Variants in ADGRV1 observed in about 807,000 individuals in gnomAD.
The protein encoded by ADGRV1 is G-protein coupled receptor 98.
In ADGRV1, 359 loss-of-function variants were observed where a neutral mutation model predicts 596.2. The ratio of observed to expected loss-of-function variants is 0.60; its 90% CI spans 0.55 to 0.66. ADGRV1 has a LOEUF of 0.66. Among genes scored for constraint, ADGRV1 ranks in the 30% least tolerant of loss-of-function variants. The probability of loss-of-function intolerance (pLI) is 0.00; values close to 1 mark genes in which losing one functional copy is unlikely to be tolerated. For synonymous variants in ADGRV1, 2,681 were observed against 2,679.2 expected, an observed-to-expected ratio of 1.00 and a Z score of -0.02; for missense variants, 7,274 against 7,575.6, an observed-to-expected ratio of 0.96 and a Z score of 1.48.
rs762211616 is a variant in ADGRV1 at position 90,711,026 on chromosome 5, G to A, written c.8870G>A (p.Gly2957Glu). 4 of 1,610,652 alleles carry A rather than the reference G, an allele frequency of 2.5e-6. No individual in the cohort carries two copies. The highest frequency in any genetic ancestry group is 8.5e-7 in the Non-Finnish European group (1 of 1,178,186). The change falls in exon 40 of 90, where the codon GGG (glycine) becomes GAG (glutamate). Residue 2957 changes from glycine to glutamate, a missense_variant. Coordinates refer to ENST00000405460, the MANE Select transcript of ADGRV1 (RefSeq NM_032119.4). The stretch of plus-strand genomic sequence containing the variant: ...CAAGTTATTATTGATGCCAATGATG[G>A]GGCCCGAGGTGTAATTGAATGGCAA... ...TAQVIIDAND[G>E]ARGVIEWQQS...
At chr5:90,656,277 A>G (rs1304481427) in intron 20 of ADGRV1, among the ~76,000 whole-genome samples, 1 of 152,238 alleles carries the variant, frequency 6.6e-6, no homozygotes, top group Non-Finnish European at 1.5e-5. Flanking sequence ...TAATAATTCA[A>G]TATATTAAAT....
At chr5:90,944,304 C>T (rs1198256572) in intron 83 of ADGRV1, among the ~76,000 whole-genome samples, 1 of 152,056 alleles carries the variant, frequency 6.6e-6, no homozygotes. Context: ...CCCAGTGACC[C>T]CAAGTTGCTC....
At chr5:90,579,087 T>C (rs986767891) in intron 1 of ADGRV1, among the ~76,000 whole-genome samples, 2 of 152,190 alleles carry the variant, frequency 1.3e-5, no homozygotes, top group African/African-American at 4.8e-5. Flanking sequence ...TTGAAGGGTG[T>C]TTTGTGTCTC....
At chr5:91,070,169 G>T (rs1039989623) in intron 85 of ADGRV1, among the ~76,000 whole-genome samples, 1 of 152,080 alleles carries the variant, frequency 6.6e-6, no homozygotes, top group African/African-American at 2.4e-5. Context: ...TCACTATCTG[G>T]GTGATGGGGT....
At chr5:90,910,595 CT>C (rs1295293946) in intron 83 of ADGRV1, among the ~76,000 whole-genome samples, 1 of 123,298 alleles carries the variant, frequency 8.1e-6, no homozygotes, top group Non-Finnish European at 1.8e-5. Context: ...ATCTATCTAT[CT>C]ATCTATACAC....
chr5:90,654,056 T>A, intron 20 of ADGRV1, 104 bp downstream of exon 20: 1 of 1,131,874 alleles, frequency 8.8e-7, no homozygotes, highest in South Asian at 1.4e-5. Context: ...TTGAAAACTC[T>A]ACTTATGCAT....
At chr5:90,585,961 G>C (rs10514329) in intron 1 of ADGRV1, among the ~76,000 whole-genome samples, 13,588 of 152,200 alleles carry the variant, frequency 0.089, 1,910 homozygotes, top group African/African-American at 0.3. Flanking sequence ...AGGAAGAAAA[G>C]TATCGACAGG....
In ADGRV1 at chr5:91,163,976, C is replaced by T. The variant is rs116775454; in HGVS notation, c.*76C>T. On this transcript the variant is annotated 3_prime_UTR_variant, in exon 90 of 90. Coordinates refer to ENST00000405460, the MANE Select transcript of ADGRV1 (RefSeq NM_032119.4). ...TGTGCTAAAACTCTCTAAGTACATC[C>T]ACCTGTGTAATAGGAACCTGTGAAT... is the stretch of plus-strand genomic sequence containing the variant. 940 of 741,628 alleles carry T rather than the reference C, an allele frequency of 1.3e-3. 6 individuals carry two copies. In the African/African-American group the frequency reaches 0.014, roughly 11 times the overall value. The allele number at this position is 741,628 out of a possible 1,614,324, so 45.9% of individuals were successfully genotyped here.
At chr5:91,100,152 T>C (rs1167018133) in intron 86 of ADGRV1, among the ~76,000 whole-genome samples, 2 of 152,214 alleles carry the variant, frequency 1.3e-5, no homozygotes, top group East Asian at 3.8e-4. Flanking sequence ...CCGGGTACCA[T>C]GGCTTATACC....
At chr5:91,109,937 T>C (rs1159136711) in intron 87 of ADGRV1, among the ~76,000 whole-genome samples, 2 of 152,214 alleles carry the variant, frequency 1.3e-5, no homozygotes, top group South Asian at 2.1e-4. Context: ...TTCATTGATA[T>C]AAGTTTGAAC....
intron 83 of ADGRV1, among the ~76,000 whole-genome samples, chr5:90,906,817 A>C (rs947592395): frequency 3.3e-5 from 5 of 152,208 alleles, no homozygotes; most frequent in Admixed American, 3.3e-4. Context: ...GTGCATCATT[A>C]GGTTGTTTAT....
intron 83 of ADGRV1, among the ~76,000 whole-genome samples, chr5:90,934,105 T>C (rs1246507364): frequency 6.6e-6 from 1 of 152,208 alleles, no homozygotes; most frequent in Admixed American, 6.5e-5. Flanking sequence ...TCTGTTCTTC[T>C]TGCTGGAAGT....
intron 83 of ADGRV1, among the ~76,000 whole-genome samples, chr5:90,958,911 C>T (rs2150940619): frequency 6.6e-6 from 1 of 152,264 alleles, no homozygotes; most frequent in Non-Finnish European, 1.5e-5. Flanking sequence ...TGCTTTCCCC[C>T]TAAAATTAGA....
At chr5:91,032,184 A>G (rs923362135) in intron 85 of ADGRV1, among the ~76,000 whole-genome samples, 1 of 152,216 alleles carries the variant, frequency 6.6e-6, no homozygotes, top group Non-Finnish European at 1.5e-5. Flanking sequence ...CTAAGGCGGG[A>G]GCAAGCTGGG....
intron 29 of ADGRV1, among the ~76,000 whole-genome samples, chr5:90,688,389 G>T (rs975380974): frequency 6.6e-6 from 1 of 152,158 alleles, no homozygotes; most frequent in Non-Finnish European, 1.5e-5. Flanking sequence ...ATGGAGTCTT[G>T]CTCTGTCACC....
chr5:91,085,509 A>G (rs1452978695), intron 86 of ADGRV1, among the ~76,000 whole-genome samples: 1 of 152,238 alleles, frequency 6.6e-6, no homozygotes, highest in Non-Finnish European at 1.5e-5. Context: ...TAGTCAAGAC[A>G]TGAAAACAAC....
chr5:91,006,818 A>G (rs1238880324), intron 85 of ADGRV1, among the ~76,000 whole-genome samples: 1 of 152,150 alleles, frequency 6.6e-6, no homozygotes, highest in African/African-American at 2.4e-5. Context: ...CAGCTTCTGT[A>G]TCTGTTCTTC....
In ADGRV1 at chr5:90,853,640, T is replaced by A. The variant is rs150931100; in HGVS notation, c.17454+107T>A. The A allele has an allele frequency of 9.6e-4, 936 of 973,180 alleles. 9 individuals carry two copies. In the East Asian group the frequency reaches 0.022, roughly 22 times the overall value. The allele number at this position is 973,180 out of a possible 1,614,324, so 60.3% of individuals were successfully genotyped here. A position where few individuals can be genotyped will look rare whatever the true frequency, so the allele number is the denominator to read the frequency against. The stretch of plus-strand genomic sequence containing the variant: ...TCACAGTTTTGGTAAGTGCTACACA[T>A]GGTGAACTACTATGAAATGTGTTCC... On this transcript the variant is annotated intron_variant, in intron 80 of 89. Transcript: ENST00000405460.
chr5:90,965,409 T>C lies in ADGRV1; in HGVS notation c.17857-6T>C, dbSNP rs773357747. ...TTTTAAAAATAGAAGTATCTGTTTCTTACAGATTCTGTTTCTGGCGTCTGC... is the reference window on the plus strand; with the variant it reads ...TTTTAAAAATAGAAGTATCTGTTTCCTACAGATTCTGTTTCTGGCGTCTGC... On this transcript the variant is annotated splice_region_variant and splice_polypyrimidine_tract_variant and intron_variant, in intron 83 of 89. Transcript: ENST00000405460. 100 of 1,555,870 alleles carry C rather than the reference T, an allele frequency of 6.4e-5. 1 individual carries two copies. The highest frequency in any genetic ancestry group is 5.9e-5 in the Non-Finnish European group (66 of 1,127,016).
Sources: gnomAD v4.1 joint callset for allele counts (sites outside exome capture counted in the v4.1 genomes callset) on GRCh38, gnomAD v4.1.1 for gene constraint, MANE v1.5 for transcripts, NCBI Gene and HGNC (gene_info 2026-07-23, HGNC 2026-07-21) for gene names.